Variants in PTPRC observed in about 807,000 individuals in gnomAD.
The protein encoded by PTPRC is protein tyrosine phosphatase receptor type C.
A neutral mutation model predicts 155.9 loss-of-function variants in PTPRC; 44 were observed. That is an observed-to-expected ratio of 0.28 (90% CI 0.22 to 0.36). The LOEUF (loss-of-function observed/expected upper bound fraction) is 0.36. Ranked by LOEUF, PTPRC falls within the 10% of genes least tolerant of loss-of-function variation. The pLI, the probability that PTPRC is intolerant of heterozygous loss-of-function variation, is 1.00. For missense variants in PTPRC, 1,401 were observed against 1,564.6 expected (o/e 0.90, Z 1.76); for synonymous variants, 525 against 533.1 (o/e 0.98, Z 0.21).
chr1:198,673,189 C>T (rs1049913398), intron 2 of PTPRC, among the ~76,000 whole-genome samples: 5 of 152,010 alleles, frequency 3.3e-5, no homozygotes, highest in African/African-American at 1.2e-4. Context: ...GGGAAGTCTT[C>T]CATGATTACC....
chr1:198,677,184 G>T (rs1462418953), intron 2 of PTPRC, among the ~76,000 whole-genome samples: 1 of 152,142 alleles, frequency 6.6e-6, no homozygotes, highest in Non-Finnish European at 1.5e-5. Flanking sequence ...TTTACAGCTT[G>T]CTAATACATA....
At chr1:198,686,891 AG>A in intron 2 of PTPRC, among the ~76,000 whole-genome samples, 1 of 152,348 alleles carries the variant, frequency 6.6e-6, no homozygotes, top group African/African-American at 2.4e-5. Context: ...TAACTACATC[AG>A]TTCATTTGTT....
chr1:198,687,182 G>A (rs1197778189), intron 2 of PTPRC, among the ~76,000 whole-genome samples: 1 of 152,084 alleles, frequency 6.6e-6, no homozygotes, highest in Non-Finnish European at 1.5e-5. Flanking sequence ...AAGTAGAGAC[G>A]AGGTTTTGCA....
At chr1:198,667,010 G>A (rs552051696) in intron 2 of PTPRC, 60 of 152,320 alleles carry the variant, frequency 3.9e-4, no homozygotes, top group Admixed American at 3.6e-3. Flanking sequence ...ATATTTTGAT[G>A]TTTCTTTTCT....
chr1:198,726,211 A>T (rs1654125391), intron 15 of PTPRC, among the ~76,000 whole-genome samples: 1 of 152,184 alleles, frequency 6.6e-6, no homozygotes, highest in African/African-American at 2.4e-5. Flanking sequence ...GCCTCTGATG[A>T]GGTTTTTATT....
At chr1:198,681,158 TGAAAAGGATC>T (rs1425962684) in intron 2 of PTPRC, among the ~76,000 whole-genome samples, 388 of 152,222 alleles carry the variant, frequency 2.5e-3, no homozygotes, top group Admixed American at 4.3e-3. Flanking sequence ...AGAAGTTAAA[TGAAAAGGATC>T]TCATGATCCT....
At chr1:198,668,830 A>G (rs2102284239) in intron 2 of PTPRC, among the ~76,000 whole-genome samples, 1 of 152,302 alleles carries the variant, frequency 6.6e-6, no homozygotes, top group Non-Finnish European at 1.5e-5. Flanking sequence ...CTTTAGGTGA[A>G]TAGATATGTA....
At chr1:198,663,969 C>T (rs1055445978) in intron 2 of PTPRC, among the ~76,000 whole-genome samples, 3 of 151,916 alleles carry the variant, frequency 2.0e-5, no homozygotes, top group South Asian at 2.1e-4. Context: ...TCATAATAAA[C>T]ACCACTAATG....
At chr1:198,719,172 A>G (rs748264062) in intron 14 of PTPRC, among the ~76,000 whole-genome samples, 4 of 152,068 alleles carry the variant, frequency 2.6e-5, no homozygotes, top group South Asian at 2.1e-4. Flanking sequence ...AAATTTACCA[A>G]ATTGCCCTGG....
chr1:198,704,364 G>C, intron 7 of PTPRC, 108 bp from the exon 8 acceptor site: 3 of 1,562,488 alleles, frequency 1.9e-6, no homozygotes, highest in Non-Finnish European at 1.7e-6. Context: ...AATCTAACTA[G>C]ATAGACTTTA....
chr1:198,726,922 G>A (rs2102469820), intron 15 of PTPRC, among the ~76,000 whole-genome samples: 1 of 149,086 alleles, frequency 6.7e-6, no homozygotes, highest in South Asian at 2.1e-4. Flanking sequence ...GAGTACAGTG[G>A]TGCAATCTTG....
chr1:198,645,131 C>T (rs970458284), intron 2 of PTPRC, among the ~76,000 whole-genome samples: 4 of 151,636 alleles, frequency 2.6e-5, no homozygotes, highest in Admixed American at 6.6e-5. Context: ...CACACTCATA[C>T]GTATTAGGAT....
At chr1:198,673,593 A>G (rs555221770) in intron 2 of PTPRC, among the ~76,000 whole-genome samples, 51 of 152,312 alleles carry the variant, frequency 3.3e-4, no homozygotes, top group African/African-American at 1.2e-3. Context: ...TTTATTTTCA[A>G]TACATTCAAA....
chr1:198,751,441 T>A (rs575978975), intron 29 of PTPRC, among the ~76,000 whole-genome samples: 1 of 152,142 alleles, frequency 6.6e-6, no homozygotes, highest in African/African-American at 2.4e-5. Context: ...AAAAGATTTA[T>A]GCTTTTTTAT....
intron 2 of PTPRC, among the ~76,000 whole-genome samples, chr1:198,667,468 C>T (rs1664388608): frequency 6.6e-6 from 1 of 152,090 alleles, no homozygotes; most frequent in Non-Finnish European, 1.5e-5. Flanking sequence ...AAATAATTTT[C>T]CTCAGATGGG....
intron 6 of PTPRC, 86 bp downstream of exon 6, chr1:198,702,616 GC>G: frequency 6.5e-7 from 1 of 1,543,362 alleles, no homozygotes; most frequent in African/African-American, 1.4e-5. Flanking sequence ...TTTATTTTGT[GC>G]CAGATATTAT....
At chr1:198,727,943 C>G (rs1384356746) in intron 15 of PTPRC, among the ~76,000 whole-genome samples, 1 of 152,138 alleles carries the variant, frequency 6.6e-6, no homozygotes, top group Non-Finnish European at 1.5e-5. Flanking sequence ...AGGCTACCCA[C>G]TTCTGCATAT....
At chr1:198,659,142 G>T (rs1663786741) in intron 2 of PTPRC, among the ~76,000 whole-genome samples, 1 of 152,072 alleles carries the variant, frequency 6.6e-6, no homozygotes, top group Non-Finnish European at 1.5e-5. Flanking sequence ...TTAGAACTCA[G>T]AGGCCATTAT....
At chr1:198,673,274 G>A (rs902765570) in intron 2 of PTPRC, among the ~76,000 whole-genome samples, 2 of 152,042 alleles carry the variant, frequency 1.3e-5, no homozygotes, top group African/African-American at 4.8e-5. Flanking sequence ...TCATTGTAAT[G>A]TGGCTATATT....
Sources: allele counts gnomAD v4.1 joint callset (sites outside exome capture counted in the v4.1 genomes callset), GRCh38; gene constraint gnomAD v4.1.1; transcripts MANE v1.5; gene names NCBI Gene and HGNC (gene_info 2026-07-23, HGNC 2026-07-21).